Variants in PLEKHA7 observed in about 807,000 individuals in gnomAD.
PLEKHA7 encodes pleckstrin homology domain-containing family A member 7.
In PLEKHA7, 104 loss-of-function variants were observed where a neutral mutation model predicts 170.0. That is an observed-to-expected ratio of 0.61 (90% confidence interval 0.52 to 0.72). The LOEUF (loss-of-function observed/expected upper bound fraction) is 0.72. PLEKHA7 is among the 30% of genes least tolerant of loss of function. PLEKHA7 has a pLI of 0.00. For synonymous variants in PLEKHA7, 648 were observed against 660.8 expected (o/e 0.98, Z 0.30); for missense variants, 1,615 against 1,671.7 (o/e 0.97, Z 0.59).
chr11:16,819,236 T>C (rs216498), intron 10 of PLEKHA7, among the ~76,000 whole-genome samples: 7,207 of 152,278 alleles, frequency 0.047, 370 homozygotes, highest in East Asian at 0.24. Flanking sequence ...TAGCTGGGAC[T>C]ATAGGTGTGC....
intron 3 of PLEKHA7, among the ~76,000 whole-genome samples, chr11:16,951,964 G>C (rs1319240383): frequency 6.6e-6 from 1 of 152,194 alleles, no homozygotes; most frequent in East Asian, 1.9e-4. Context: ...ACTGAGGAAT[G>C]GAACCTGTGA....
intron 10 of PLEKHA7, among the ~76,000 whole-genome samples, chr11:16,821,163 A>C (rs1590222943): frequency 1.3e-5 from 2 of 152,208 alleles, no homozygotes; most frequent in South Asian, 4.1e-4. Context: ...TGGAGATGCA[A>C]TATCATTTTT....
chr11:16,856,602 G>C (rs1853471816), intron 4 of PLEKHA7, among the ~76,000 whole-genome samples: 1 of 152,138 alleles, frequency 6.6e-6, no homozygotes, highest in Non-Finnish European at 1.5e-5. Context: ...CAGAAACATG[G>C]AACTTCCCAC....
At chr11:16,885,840 A>C (rs1021765997) in intron 3 of PLEKHA7, among the ~76,000 whole-genome samples, 2 of 149,636 alleles carry the variant, frequency 1.3e-5, no homozygotes, top group African/African-American at 2.5e-5. Context: ...CTAAAAATAC[A>C]AAAAAAATTA....
chr11:16,868,667 T>C (rs529590601), intron 4 of PLEKHA7, among the ~76,000 whole-genome samples: 1 of 152,312 alleles, frequency 6.6e-6, no homozygotes, highest in South Asian at 2.1e-4. Flanking sequence ...GCAAGGAATG[T>C]CTGGCCAATC....
At chr11:16,891,332 TG>T (rs1444171829) in intron 3 of PLEKHA7, among the ~76,000 whole-genome samples, 1 of 152,166 alleles carries the variant, frequency 6.6e-6, no homozygotes, top group African/African-American at 2.4e-5. Flanking sequence ...GAGAGCCATA[TG>T]AAGACAGAGG....
At chr11:16,945,439 T>C (rs78079291) in intron 3 of PLEKHA7, among the ~76,000 whole-genome samples, 8,582 of 152,244 alleles carry the variant, frequency 0.056, 785 homozygotes, top group African/African-American at 0.19. Context: ...ACCCCTGTAA[T>C]TGACTGTTGT....
chr11:16,814,420 C>T (rs976252665), intron 12 of PLEKHA7, among the ~76,000 whole-genome samples: 5 of 152,214 alleles, frequency 3.3e-5, no homozygotes, highest in Non-Finnish European at 4.4e-5. Context: ...CTCTGTACAG[C>T]CTGGAGGACC....
intron 3 of PLEKHA7, among the ~76,000 whole-genome samples, chr11:16,902,646 G>C (rs1857413761): frequency 6.6e-6 from 1 of 152,060 alleles, no homozygotes; most frequent in African/African-American, 2.4e-5. Flanking sequence ...ATCTTCTTTG[G>C]CCCAGCTTGT....
At chr11:16,854,164 G>A (rs1853229862) in intron 6 of PLEKHA7, among the ~76,000 whole-genome samples, 1 of 152,194 alleles carries the variant, frequency 6.6e-6, no homozygotes, top group Non-Finnish European at 1.5e-5. Flanking sequence ...AAGGAGAGAA[G>A]GAGAGCAAAA....
At chr11:16,831,780 G>T (rs1314464871) in intron 9 of PLEKHA7, among the ~76,000 whole-genome samples, 4 of 152,216 alleles carry the variant, frequency 2.6e-5, no homozygotes, top group Non-Finnish European at 5.9e-5. Context: ...TCCTTGGGTT[G>T]TTGTGAGGAT....
intron 3 of PLEKHA7, among the ~76,000 whole-genome samples, chr11:16,887,778 C>G (rs1856250751): frequency 6.6e-6 from 1 of 152,240 alleles, no homozygotes; most frequent in Non-Finnish European, 1.5e-5. Context: ...CCTTGGCCTC[C>G]CAAAGTGCCG....
intron 14 of PLEKHA7, 76 bp from the exon 15 acceptor site, chr11:16,803,128 CT>C: frequency 6.4e-7 from 1 of 1,564,884 alleles, no homozygotes; most frequent in Non-Finnish European, 8.8e-7. Context: ...ATCAGACAGC[CT>C]TTGGCTACAG....
intron 3 of PLEKHA7, among the ~76,000 whole-genome samples, chr11:16,977,501 CT>C (rs917138107): frequency 6.6e-6 from 1 of 152,182 alleles, no homozygotes; most frequent in Admixed American, 6.5e-5. Flanking sequence ...TGGTGTATTT[CT>C]TTAGGTAAGA....
intron 3 of PLEKHA7, among the ~76,000 whole-genome samples, chr11:16,882,048 C>T (rs974399363): frequency 2.0e-5 from 3 of 152,212 alleles, no homozygotes; most frequent in Non-Finnish European, 2.9e-5. Context: ...CGTAGTTCTA[C>T]AAGTCACAGT....
chr11:16,894,009 G>T (rs187029372), intron 3 of PLEKHA7, among the ~76,000 whole-genome samples: 359 of 152,302 alleles, frequency 2.4e-3, no homozygotes, highest in Non-Finnish European at 4.3e-3. Context: ...GGGACCTCTG[G>T]CTAGGCAAAG....
chr11:16,909,105 A>C (rs1443733026), intron 3 of PLEKHA7, among the ~76,000 whole-genome samples: 1 of 152,202 alleles, frequency 6.6e-6, no homozygotes, highest in African/African-American at 2.4e-5. Flanking sequence ...GGGTGGATTA[A>C]ATGATACATG....
chr11:16,785,069 A>G (rs1311426500), intron 24 of PLEKHA7, among the ~76,000 whole-genome samples: 4 of 152,070 alleles, frequency 2.6e-5, no homozygotes, highest in Admixed American at 1.3e-4. Context: ...AGACCCCAAA[A>G]CTCAACAACT....
intron 26 of PLEKHA7, 21 bp from the exon 27 acceptor site, chr11:16,779,041 C>G (rs1365526734): frequency 5.7e-6 from 4 of 702,436 alleles, no homozygotes; most frequent in South Asian, 4.4e-5. Flanking sequence ...GCACAGGAGA[C>G]AGTGAGAGGC....
Sources: gnomAD v4.1 joint callset for allele counts (sites outside exome capture counted in the v4.1 genomes callset) on GRCh38, gnomAD v4.1.1 for gene constraint, MANE v1.5 for transcripts, NCBI Gene and HGNC (gene_info 2026-07-23, HGNC 2026-07-21) for gene names.